MOGAT3: variants seen among roughly 807,000 people sequenced by gnomAD.
The protein encoded by MOGAT3 is 2-acylglycerol O-acyltransferase 3.
MOGAT3 carries 39 observed loss-of-function variants against 34.4 expected under a neutral mutation model. The observed-to-expected ratio is 1.13, with a 90% CI of 0.88 to 1.48. The LOEUF (loss-of-function observed/expected upper bound fraction) is 1.48. MOGAT3 is among the 40% of genes most tolerant of loss of function. The pLI is 0.00. For synonymous variants in MOGAT3, 209 were observed against 179.2 expected (o/e 1.17, Z -1.33); for missense variants, 439 against 438.9 (o/e 1.00, Z 0.00).
At position 101,198,815 on chromosome 7, in the gene MOGAT3, C is replaced by G; in HGVS notation, c.304G>C (p.Glu102Gln). 3 of 1,613,988 alleles carry G rather than the reference C, an allele frequency of 1.9e-6. No individual in the cohort carries two copies. The South Asian group carries it at 3.3e-5, about 18-fold the overall frequency. Residue 102 changes from glutamate (E) to glutamine (Q), a missense_variant, in exon 4 of 7, where the codon GAG becomes CAG. By Grantham distance (29) the Glu-to-Gln change is conservative. Transcript: ENST00000223114. ...ACGTAGTTCCGATCCGGGGGCAGCT[C>G]TGCTGTTTTCACCAGCTTCGGGGTG... ...YYPVKLVKTA[E>Q]LPPDRNYVLG...
In MOGAT3 at chr7:101,196,374, G is replaced by A. The variant is rs568462999; in HGVS notation, c.684C>T (p.Pro228=). ...TGTCATTCTCCCCAAAGGAGTACAC[G>A]GGCACCAGGGACGCCCTGGGAAGGA... is the stretch of plus-strand genomic sequence containing the variant. The part of the protein sequence containing the change: ...LALRHGASLV[P]VYSFGENDIF... Residue 228 remains proline (P), a synonymous_variant, in exon 6 of 7, where the codon CCC becomes CCT. Coordinates refer to ENST00000223114, the MANE Select transcript of MOGAT3 (RefSeq NM_178176.4). 1.9e-5 allele frequency: 31 copies of A among 1,611,380 alleles called. No individual in the cohort carries two copies. The Admixed American group carries it at 3.2e-4, about 17-fold the overall frequency.
rs765424240 is a variant in MOGAT3, at chr7:101,198,810, C to T, written c.309G>A (p.Leu103=). The T allele has an allele frequency of 1.2e-6, 2 of 1,613,946 alleles. No individual in the cohort carries two copies. The highest frequency in any genetic ancestry group is 1.7e-6 in the Non-Finnish European group (2 of 1,179,994). ...CCAGCACGTAGTTCCGATCCGGGGG[C>T]AGCTCTGCTGTTTTCACCAGCTTCG... ...YPVKLVKTAE[L]PPDRNYVLGA... is the part of the protein sequence containing the mutation. The change falls in exon 4 of 7, where the codon CTG becomes CTA. Residue 103 remains leucine, a synonymous_variant. Coordinates refer to ENST00000223114, the MANE Select transcript of MOGAT3 (RefSeq NM_178176.4).
chr7:101,196,579 T>C (rs1183200542), intron 5 of MOGAT3, among the ~76,000 whole-genome samples, 190 bp from the exon 6 acceptor site: 3 of 152,212 alleles, frequency 2.0e-5, no homozygotes, highest in Non-Finnish European at 4.4e-5. Context: ...TCTTTTTCTT[T>C]GTTTTAGAGA....
chr7:101,197,655 T>C (rs1174963957), intron 5 of MOGAT3, among the ~76,000 whole-genome samples: 5 of 152,104 alleles, frequency 3.3e-5, no homozygotes, highest in Non-Finnish European at 5.9e-5. Context: ...ATCCCAGCAC[T>C]TTGGAAGGCC....
At chr7:101,198,544 T>TA (rs1584240218) in intron 4 of MOGAT3, 82 bp downstream of exon 4, 2 of 1,371,946 alleles carry the variant, frequency 1.5e-6, no homozygotes, top group Non-Finnish European at 2.0e-6. Context: ...GGGGACTTAT[T>TA]ATGGGGGGGG....
chr7:101,196,372 A>C lies in MOGAT3; in HGVS notation c.686T>G (p.Val229Gly). The C allele has an allele frequency of 5.0e-6, 8 of 1,612,092 alleles. No homozygotes were observed. The highest frequency in any genetic ancestry group is 6.8e-6 in the Non-Finnish European group (8 of 1,178,796). Residue 229 changes from valine to glycine, a missense_variant, in exon 6 of 7, where the codon GTG becomes GGG. Transcript: ENST00000223114. ...GATGTCATTCTCCCCAAAGGAGTAC[A>C]CGGGCACCAGGGACGCCCTGGGAAG... ...ALRHGASLVP[V>G]YSFGENDIFR...
Position 101,198,704 on chromosome 7 carries a change from G to A in MOGAT3, c.415C>T (p.Pro139Ser). 6.2e-7 allele frequency: 1 copy of A among 1,613,730 alleles called. No individual in the cohort carries two copies. Among genetic ancestry groups the A allele is most frequent in the Non-Finnish European group, 8.5e-7 (1 of 1,180,002 alleles). Residue 139 changes from proline (P) to serine (S), a missense_variant, in exon 4 of 7, where the codon CCG becomes TCG. Coordinates refer to ENST00000223114, the MANE Select transcript of MOGAT3 (RefSeq NM_178176.4). ...TESNGFSQLF[P>S]GLRPWLAVLA... Reference sequence around the variant, plus strand: ...ACGGCTAACCAGGGCCGGAGCCCCGGGAAGAGCTGGGAGAAGCCATTGCTC... The same window carrying A: ...ACGGCTAACCAGGGCCGGAGCCCCGAGAAGAGCTGGGAGAAGCCATTGCTC...
rs1311072910 is a variant in MOGAT3 at position 101,200,925 on chromosome 7, C to G, written c.-71G>C. Reference sequence around the variant, plus strand: ...AAACGATGAAGGCTTGGATGTGGACCTGGGCAGACTTTCTCCCTACAGGAG... The same window carrying G: ...AAACGATGAAGGCTTGGATGTGGACGTGGGCAGACTTTCTCCCTACAGGAG... On this transcript the variant is annotated 5_prime_UTR_variant, in exon 1 of 7. Transcript: ENST00000223114. 7.7e-7 allele frequency: 1 copy of G among 1,297,264 alleles called. No homozygotes were observed. Among genetic ancestry groups the G allele is most frequent in the African/African-American group, 1.5e-5 (1 of 68,230 alleles). The allele number at this position is 1,297,264 out of a possible 1,614,324, so 80.4% of individuals were successfully genotyped here.
chr7:101,198,368 G>C lies in MOGAT3; in HGVS notation c.494-3C>G, dbSNP rs201708001. Reference sequence around the variant, plus strand: ...CTGGCGGCTCACCGGACAGAGTCCTGTGGGCAGGAGGAGGTGGAAAGTAGT... The same window carrying C: ...CTGGCGGCTCACCGGACAGAGTCCTCTGGGCAGGAGGAGGTGGAAAGTAGT... On this transcript the variant is annotated splice_region_variant and splice_polypyrimidine_tract_variant and intron_variant, in intron 4 of 6. Transcript: ENST00000223114. The C allele has an allele frequency of 2.6e-6, 4 of 1,536,602 alleles. No individual in the cohort carries two copies. The African/African-American group carries it at 5.5e-5, about 21-fold the overall frequency.
downstream of MOGAT3, among the ~76,000 whole-genome samples, chr7:101,193,199 C>T (rs995638929): frequency 6.6e-6 from 1 of 151,954 alleles, no homozygotes; most frequent in African/African-American, 2.4e-5. Context: ...AAGCGATCCT[C>T]CCACCTTGGC....
At chr7:101,197,953 G>A (rs1172685259) in intron 5 of MOGAT3, among the ~76,000 whole-genome samples, 1 of 152,238 alleles carries the variant, frequency 6.6e-6, no homozygotes, top group African/African-American at 2.4e-5. Flanking sequence ...CTGAGACCGA[G>A]GGCCCTGCTA....
chr7:101,200,890 C>G lies in MOGAT3; in HGVS notation c.-36G>C. ...CCCCTCTTCCAGCAGGATCCCAGAA[C>G]CCGGAGGACAAACGATGAAGGCTTG... On this transcript the variant is annotated 5_prime_UTR_variant, in exon 1 of 7. Coordinates refer to ENST00000223114, the MANE Select transcript of MOGAT3 (RefSeq NM_178176.4). 1 of 1,550,720 alleles carries G rather than the reference C, an allele frequency of 6.4e-7. No homozygotes were observed. The highest frequency in any genetic ancestry group is 2.3e-5 in the East Asian group (1 of 44,228).
intron 3 of MOGAT3, among the ~76,000 whole-genome samples, chr7:101,199,921 C>T (rs938601755): frequency 6.6e-6 from 1 of 151,944 alleles, no homozygotes; most frequent in African/African-American, 2.4e-5. Flanking sequence ...TGTTGAAACC[C>T]TGTCTCTACT....
At position 101,198,652 on chromosome 7, in the gene MOGAT3, A is replaced by T. The variant is rs780251451; in HGVS notation, c.467T>A (p.Val156Asp). ...AVLAGLFYLP[V>D]YRDYIMSFGL... Reference sequence around the variant, plus strand: ...AAAGGACATGATGTAGTCGCGATAGACCGGGAGGTAGAAGAGGCCAGCCAG... The same window carrying T: ...AAAGGACATGATGTAGTCGCGATAGTCCGGGAGGTAGAAGAGGCCAGCCAG... The change falls in exon 4 of 7, where the codon GTC becomes GAC. Residue 156 changes from valine (V) to aspartate (D), a missense_variant. Coordinates refer to ENST00000223114, the MANE Select transcript of MOGAT3 (RefSeq NM_178176.4). 2 of 1,612,716 alleles carry T rather than the reference A, an allele frequency of 1.2e-6. No homozygotes were observed. Among genetic ancestry groups the T allele is most frequent in the Non-Finnish European group, 1.7e-6 (2 of 1,179,972 alleles).
chr7:101,200,795 A>G lies in MOGAT3; in HGVS notation c.60T>C (p.His20=), dbSNP rs534888702. Residue 20 remains histidine (H), a synonymous_variant, in exon 1 of 7, where the codon CAT becomes CAC. Coordinates refer to ENST00000223114, the MANE Select transcript of MOGAT3 (RefSeq NM_178176.4). The part of the protein sequence containing the change: ...PTTSKTLQKQ[H]LEAVGAYQYV... ...ATTGGTAGGCGCCCACTGCTTCTAG[A>G]TGCTGCTTCTGCAAGGTTTTGGAAG... 4.3e-6 allele frequency: 7 copies of G among 1,614,138 alleles called. No homozygotes were observed. In the East Asian group the frequency reaches 1.3e-4, roughly 31 times the overall value.
intron 5 of MOGAT3, 86 bp downstream of exon 5, chr7:101,198,105 C>A: frequency 6.8e-7 from 1 of 1,467,726 alleles, no homozygotes; most frequent in South Asian, 1.3e-5. Context: ...ACCCGGATCC[C>A]CCATGCAGGG....
In MOGAT3 at chr7:101,197,486, C is replaced by T. The variant is rs1459920929; in HGVS notation, c.668+705G>A. Among the ~76,000 whole-genome samples the T allele has an allele frequency of 3.3e-5, 5 of 152,296 alleles. No homozygotes were observed. The East Asian group carries it at 9.7e-4, about 29-fold the overall frequency. On this transcript the variant is annotated intron_variant, in intron 5 of 6. Coordinates refer to ENST00000223114, the MANE Select transcript of MOGAT3 (RefSeq NM_178176.4). ...TGCAAGTGTGAACCACCACGCCCAG[C>T]CGGGACTCACATTTCTTGAGACACA...
chr7:101,197,268 A>G lies in MOGAT3; in HGVS notation c.669-879T>C, dbSNP rs1392905112. Among the ~76,000 whole-genome samples the G allele has an allele frequency of 2.0e-5, 3 of 152,158 alleles. No homozygotes were observed. The East Asian group carries it at 5.8e-4, about 29-fold the overall frequency. On this transcript the variant is annotated intron_variant, in intron 5 of 6. Coordinates refer to ENST00000223114, the MANE Select transcript of MOGAT3 (RefSeq NM_178176.4). ...TGCAATCATAGCTCACTGCAGCCTC[A>G]ACCTTCTCCGCTCAAGCCATCCTCC...
In MOGAT3 at chr7:101,195,972, C is replaced by T. The variant is rs138532005; in HGVS notation, c.1000G>A (p.Ala334Thr). Residue 334 changes from alanine (A) to threonine (T), a missense_variant, in exon 7 of 7, where the codon GCT becomes ACT. Ala to Thr is a moderately conservative substitution (Grantham distance 58). Transcript: ENST00000223114. Reference protein sequence around the residue: ...EEHKESCGVPASTCLTFI With the variant: ...EEHKESCGVPTSTCLTFI ...TAGATGAAGGTGAGGCAGGTGGAAG[C>T]GGGGACCCCACAGCTTTCCTTGTGC... 87 of 1,614,148 alleles carry T rather than the reference C, an allele frequency of 5.4e-5. No individual in the cohort carries two copies. The highest frequency in any genetic ancestry group is 4.9e-4 in the African/African-American group (37 of 75,022).
Sources: allele counts gnomAD v4.1 joint callset (sites outside exome capture counted in the v4.1 genomes callset), GRCh38; gene constraint gnomAD v4.1.1; transcripts MANE v1.5; gene names NCBI Gene and HGNC (gene_info 2026-07-23, HGNC 2026-07-21).